ELMO1: variants seen among roughly 807,000 people sequenced by gnomAD.
The protein encoded by ELMO1 is engulfment and cell motility 1.
Under a neutral mutation model 98.9 loss-of-function variants are expected in ELMO1, and 26 were observed. The ratio of observed to expected loss-of-function variants is 0.26; its 90% CI spans 0.19 to 0.36. ELMO1 has a LOEUF of 0.36. Among genes scored for constraint, ELMO1 ranks in the 10% least tolerant of loss-of-function variants. The pLI, the probability that ELMO1 is intolerant of heterozygous loss-of-function variation, is 1.00. For missense variants in ELMO1, 627 were observed against 935.2 expected (o/e 0.67, Z 4.30); for synonymous variants, 346 against 346.0 (o/e 1.00, Z 0.00).
Position 36,870,523 on chromosome 7 carries a change from T to G in ELMO1, c.1823-48A>C, listed in dbSNP as rs1455663473. 1 of 1,578,956 alleles carries G rather than the reference T, an allele frequency of 6.3e-7. No homozygotes were observed. Among genetic ancestry groups the G allele is most frequent in the Non-Finnish European group, 8.7e-7 (1 of 1,154,936 alleles). On this transcript the variant is annotated intron_variant, in intron 19 of 21. Transcript: ENST00000310758. The surrounding 1 kb of genome is among the most constrained non-coding windows in gnomAD (Gnocchi z 4.4). ...CAAGTAACTACACCATGTGAAAACT[T>G]TGATGTCAATAAAGAAACAGGACTA...
intron 2 of ELMO1, among the ~76,000 whole-genome samples, chr7:37,318,845 T>C (rs1799340542): frequency 1.3e-5 from 2 of 152,192 alleles, no homozygotes; most frequent in Non-Finnish European, 2.9e-5. Flanking sequence ...ACTTTCCTTT[T>C]CCTGTCTGCC....
intron 16 of ELMO1, among the ~76,000 whole-genome samples, chr7:36,941,915 G>C (rs976351021): frequency 6.6e-6 from 1 of 152,208 alleles, no homozygotes; most frequent in Non-Finnish European, 1.5e-5. Context: ...CACCTGGGAA[G>C]TGGCAGGACT....
chr7:37,320,464 T>C (rs745390441), intron 2 of ELMO1, among the ~76,000 whole-genome samples: 2 of 152,194 alleles, frequency 1.3e-5, no homozygotes, highest in African/African-American at 2.4e-5. Context: ...ATTTGCTTTG[T>C]TGAAATGGCC....
intron 1 of ELMO1, among the ~76,000 whole-genome samples, chr7:37,369,672 T>TAAAA (rs74272020): frequency 1.4e-4 from 18 of 124,228 alleles, no homozygotes; most frequent in South Asian, 4.9e-4. Context: ...GCCCAAAATG[T>TAAAA]AAAAAAAAAA....
chr7:36,981,556 T>C (rs541743412), intron 16 of ELMO1, among the ~76,000 whole-genome samples: 9 of 152,286 alleles, frequency 5.9e-5, no homozygotes, highest in African/African-American at 2.2e-4. Context: ...TGAAGAATTA[T>C]CTGCTTGTAA....
intron 16 of ELMO1, among the ~76,000 whole-genome samples, chr7:36,977,157 G>GGCCCTC (rs1207604775): frequency 1.3e-5 from 2 of 152,314 alleles, no homozygotes; most frequent in African/African-American, 4.8e-5. Flanking sequence ...CCCTGAGTCT[G>GGCCCTC]GCCCTCTATC....
chr7:37,049,396 C>G (rs1411927721), intron 15 of ELMO1, among the ~76,000 whole-genome samples: 3 of 152,150 alleles, frequency 2.0e-5, no homozygotes, highest in Non-Finnish European at 4.4e-5. Context: ...CCTTCGAAAC[C>G]AATTAAAACT....
intron 4 of ELMO1, among the ~76,000 whole-genome samples, chr7:37,295,825 A>C (rs1797999550): frequency 6.6e-6 from 1 of 152,242 alleles, no homozygotes; most frequent in Non-Finnish European, 1.5e-5. Context: ...GGTAATAGGC[A>C]GGAATAATAA....
At chr7:37,023,002 A>G (rs1284544223) in intron 15 of ELMO1, among the ~76,000 whole-genome samples, 1 of 152,250 alleles carries the variant, frequency 6.6e-6, no homozygotes, top group East Asian at 1.9e-4. Context: ...AAACAGCCCC[A>G]CATAAAAGAG....
At chr7:36,902,999 G>C (rs1049847552) in intron 16 of ELMO1, among the ~76,000 whole-genome samples, 1 of 152,120 alleles carries the variant, frequency 6.6e-6, no homozygotes, top group Non-Finnish European at 1.5e-5. Flanking sequence ...AAAATGCAAA[G>C]CTGATCATAT....
chr7:36,999,917 A>T (rs1210573906), intron 16 of ELMO1, among the ~76,000 whole-genome samples: 1 of 152,156 alleles, frequency 6.6e-6, no homozygotes, highest in Non-Finnish European at 1.5e-5. Flanking sequence ...TTTAATGAAT[A>T]AAAAATTCTG....
intron 15 of ELMO1, among the ~76,000 whole-genome samples, chr7:37,048,574 C>T (rs779868200): frequency 2.0e-5 from 3 of 152,310 alleles, no homozygotes; most frequent in South Asian, 2.1e-4. Flanking sequence ...CCACAGGCAA[C>T]TCTAAAGCGA....
chr7:37,439,086 TGACCAA>T (rs1246949546), intron 1 of ELMO1, among the ~76,000 whole-genome samples: 1 of 152,250 alleles, frequency 6.6e-6, no homozygotes, highest in East Asian at 1.9e-4. Flanking sequence ...TTTATTCATC[TGACCAA>T]GACCATGTAT....
At chr7:37,213,607 C>T in intron 11 of ELMO1, 150 bp from the exon 12 acceptor site, 1 of 722,428 alleles carries the variant, frequency 1.4e-6, no homozygotes, top group Middle Eastern at 4.3e-4. Flanking sequence ...CAGAGCTTTC[C>T]TTTGAATTTC....
At chr7:37,394,344 T>C (rs1388953796) in intron 1 of ELMO1, among the ~76,000 whole-genome samples, 1 of 152,086 alleles carries the variant, frequency 6.6e-6, no homozygotes, top group African/African-American at 2.4e-5. Context: ...GACTGTGAGC[T>C]AAGTTGAGTG....
Position 37,259,306 on chromosome 7 carries a change from A to T in ELMO1, c.288T>A (p.Ser96Arg). 6.2e-7 allele frequency: 1 copy of T among 1,614,010 alleles called. No homozygotes were observed. The highest frequency in any genetic ancestry group is 1.3e-5 in the African/African-American group (1 of 74,984). The change falls in exon 6 of 22, where the codon AGT becomes AGA. Residue 96 changes from serine to arginine, a missense_variant. By Grantham distance (110) the Ser-to-Arg change is moderately radical. Around this residue, in one of 3 missense-constraint regions of ELMO1, gnomAD observed 123 missense variants for 171.2 expected, o/e 0.72. Coordinates refer to ENST00000310758, the MANE Select transcript of ELMO1 (RefSeq NM_014800.11). ...TCAGGGCTTCCAGCTTGGCATCCAT[A>T]CTCGAGGACTGGATTCGTTCATGGA... ...QQLHERIQSS[S>R]MDAKLEALKD...
At chr7:37,376,085 A>T (rs1421205672) in intron 1 of ELMO1, 2 of 346,194 alleles carry the variant, frequency 5.8e-6, no homozygotes, top group African/African-American at 4.3e-5. Flanking sequence ...AAAAAAATGA[A>T]CAAACAAACA....
chr7:37,017,992 CT>C lies in ELMO1; in HGVS notation c.1301-4558del, dbSNP rs1794042017. On this transcript the variant is annotated intron_variant, in intron 15 of 21. Coordinates refer to ENST00000310758, the MANE Select transcript of ELMO1 (RefSeq NM_014800.11). ...TAGAACTTTAGACAAATAAACCCCC[CT>C]GAACCTGTTTCCTCATCTGTGAAAT... 2.0e-5 allele frequency among the ~76,000 whole-genome samples: 3 copies of C among 152,170 alleles called. No individual in the cohort carries two copies. The South Asian group carries it at 6.2e-4, about 31-fold the overall frequency.
intron 1 of ELMO1, among the ~76,000 whole-genome samples, chr7:37,366,693 C>T (rs1467045549): frequency 6.6e-6 from 1 of 152,210 alleles, no homozygotes; most frequent in African/African-American, 2.4e-5. Context: ...CCTCTGTAAT[C>T]TCCCCCCTGT....
Sources: gnomAD v4.1 joint callset for allele counts (sites outside exome capture counted in the v4.1 genomes callset) on GRCh38, gnomAD v4.1.1 for gene constraint, gnomAD v4.1.1 regional missense constraint, Gnocchi (gnomAD v3.1) non-coding constraint, MANE v1.5 for transcripts, NCBI Gene and HGNC (gene_info 2026-07-23, HGNC 2026-07-21) for gene names.